The following CPA5 variants were observed in gnomAD, a reference collection of about 807,000 sequenced individuals.
CPA5 encodes testicular tissue protein Li 32.
CPA5 carries 38 observed loss-of-function variants against 52.2 expected under a neutral mutation model. The observed-to-expected ratio is 0.73, with a 90% confidence interval of 0.56 to 0.95. CPA5 has a LOEUF of 0.95. CPA5 is among the 40% of genes least tolerant of loss of function. The pLI is 0.00. For synonymous variants in CPA5, 198 were observed against 213.7 expected, an observed-to-expected ratio of 0.93 and a Z score of 0.64; for missense variants, 519 against 566.7, an observed-to-expected ratio of 0.92 and a Z score of 0.86.
intron 6 of CPA5, among the ~76,000 whole-genome samples, chr7:130,360,940 CA>C (rs1554406413): frequency 1.3e-5 from 2 of 152,200 alleles, no homozygotes; most frequent in Admixed American, 6.5e-5. Context: ...GGGAATCCAG[CA>C]AGATCACAAC....
chr7:130,351,465 C>A (rs572800551), intron 5 of CPA5, among the ~76,000 whole-genome samples: 1 of 152,340 alleles, frequency 6.6e-6, no homozygotes, highest in South Asian at 2.1e-4. Flanking sequence ...CCTGTCCTCT[C>A]CCCACATCCG....
chr7:130,351,149 T>A (rs1554403869), intron 5 of CPA5, among the ~76,000 whole-genome samples: 5 of 152,210 alleles, frequency 3.3e-5, no homozygotes, highest in Admixed American at 2.0e-4. Flanking sequence ...TTATCCCTCA[T>A]CAGGCACATC....
intron 9 of CPA5, 91 bp downstream of exon 9, chr7:130,363,085 G>A (rs782559393): frequency 1.0e-5 from 8 of 772,030 alleles, no homozygotes; most frequent in Non-Finnish European, 1.7e-5. Flanking sequence ...CCCCTTCAGA[G>A]CCTCTTTGCA....
chr7:130,362,773 C>T lies in CPA5; in HGVS notation c.637-111C>T, dbSNP rs868971361. The T allele has an allele frequency of 5.7e-6, 4 of 701,704 alleles. No homozygotes were observed. The African/African-American group carries it at 7.0e-5, about 12-fold the overall frequency. The allele number at this position is 701,704 out of a possible 1,614,324, so 43.5% of individuals were successfully genotyped here. On this transcript the variant is annotated intron_variant, in intron 8 of 12. Transcript: ENST00000474905. ...CTTTGGTTCTGCATAAAAGATATAC[C>T]TCAGGGGTTTCATGCCATCCCTTCC...
intron 5 of CPA5, among the ~76,000 whole-genome samples, chr7:130,352,732 A>G (rs1459559735): frequency 2.0e-5 from 3 of 152,196 alleles, no homozygotes; most frequent in African/African-American, 4.8e-5. Flanking sequence ...ACTGACAGGC[A>G]GGAGGGTGGT....
At chr7:130,373,028 G>C (rs1259293227), downstream of CPA5, among the ~76,000 whole-genome samples, 1 of 152,122 alleles carries the variant, frequency 6.6e-6, no homozygotes, top group African/African-American at 2.4e-5. Context: ...AGGCCAGGGG[G>C]GTGCTCTAGT....
At chr7:130,367,800 T>C (rs576714549) in intron 11 of CPA5, 106 bp from the exon 12 acceptor site, 5 of 1,046,586 alleles carry the variant, frequency 4.8e-6, no homozygotes, top group African/African-American at 1.6e-5. Context: ...CACCTTCAAC[T>C]TCCAGGACTG....
chr7:130,366,499 G>A (rs1027934650), intron 10 of CPA5, among the ~76,000 whole-genome samples: 5 of 152,190 alleles, frequency 3.3e-5, no homozygotes, highest in Non-Finnish European at 7.3e-5. Flanking sequence ...GAGTCCAGGG[G>A]GAAATGGAAA....
At chr7:130,350,208 G>A (rs1795045579) in intron 5 of CPA5, 99 bp downstream of exon 5, 8 of 1,302,294 alleles carry the variant, frequency 6.1e-6, no homozygotes, top group Non-Finnish European at 8.4e-6. Flanking sequence ...TGGACATGTG[G>A]TTTCTGGGTC....
In CPA5 at chr7:130,346,395, T is replaced by C. The variant is rs6955995; in HGVS notation, c.-91T>C. ...GACAGCCTAATGCTCTTTCTCAGGC[T>C]GGGCTTTCCAGCCTCTAGGTGCTGT... On this transcript the variant is annotated splice_region_variant and 5_prime_UTR_variant, in exon 3 of 13. Coordinates refer to ENST00000474905, the MANE Select transcript of CPA5 (RefSeq NM_080385.5). 0.57 allele frequency: 508,506 copies of C among 898,578 alleles called. 145,796 individuals carry two copies. Among genetic ancestry groups the C allele is most frequent in the African/African-American group, 0.64 (37,985 of 59,736 alleles). 55.7% of individuals were successfully genotyped at this position (898,578 alleles called of 1,614,324 possible).
At chr7:130,360,494 G>A (rs942895243) in intron 6 of CPA5, among the ~76,000 whole-genome samples, 1 of 152,244 alleles carries the variant, frequency 6.6e-6, no homozygotes, top group Admixed American at 6.5e-5. Flanking sequence ...AGGAACTCAA[G>A]GCACACGTCT....
chr7:130,347,908 C>T (rs1381434746), intron 4 of CPA5, 61 bp downstream of exon 4: 8 of 1,335,696 alleles, frequency 6.0e-6, no homozygotes, highest in African/African-American at 4.4e-5. Context: ...ACACATTTAG[C>T]TCCTTGTCCT....
the CPA5 span, among the ~76,000 whole-genome samples, chr7:130,373,978 C>CCGGA: frequency 6.6e-6 from 1 of 151,974 alleles, no homozygotes; most frequent in South Asian, 2.1e-4. Flanking sequence ...ATTTGTCCTT[C>CCGGA]CGGACGCCGC....
rs1314875198 is a variant in CPA5, at chr7:130,345,000, A to C, written c.-357A>C. On this transcript the variant is annotated 5_prime_UTR_variant, in exon 1 of 13. Transcript: ENST00000474905. The stretch of plus-strand genomic sequence containing the variant: ...ACTATCTCTGTTTTTTTCCTTTTAA[A>C]TTCCTGAGCTATTGTTTAGCAGTAC... The C allele has an allele frequency of 6.6e-6, 1 of 152,172 alleles. No individual in the cohort carries two copies. The highest frequency in any genetic ancestry group is 6.5e-5 in the Admixed American group (1 of 15,278). 9.4% of individuals were successfully genotyped at this position (152,172 alleles called of 1,614,324 possible). A position where few individuals can be genotyped will look rare whatever the true frequency, so the allele number is the denominator to read the frequency against.
chr7:130,358,267 G>C (rs1356636349), intron 5 of CPA5, among the ~76,000 whole-genome samples: 2 of 152,124 alleles, frequency 1.3e-5, no homozygotes, highest in Non-Finnish European at 2.9e-5. Context: ...CCAAAGTGCT[G>C]CGTTTACAGG....
chr7:130,365,460 C>A (rs1796028415), intron 10 of CPA5, among the ~76,000 whole-genome samples: 1 of 152,212 alleles, frequency 6.6e-6, no homozygotes, highest in Non-Finnish European at 1.5e-5. Flanking sequence ...GCAAAAAGCT[C>A]CCATAATCCC....
chr7:130,357,331 A>G (rs2117379515), intron 5 of CPA5, among the ~76,000 whole-genome samples: 1 of 152,328 alleles, frequency 6.6e-6, no homozygotes, highest in South Asian at 2.1e-4. Context: ...AAGACTCCAC[A>G]GCAGCCATTA....
intron 5 of CPA5, among the ~76,000 whole-genome samples, chr7:130,351,641 T>C (rs1795150539): frequency 6.6e-6 from 1 of 151,378 alleles, no homozygotes; most frequent in South Asian, 2.1e-4. Context: ...GAGCTGGGGG[T>C]GGGGTGGCTG....
chr7:130,346,418 T>C lies in CPA5; in HGVS notation c.-68T>C. The C allele has an allele frequency of 2.6e-6, 3 of 1,161,754 alleles. No homozygotes were observed. The highest frequency in any genetic ancestry group is 3.8e-6 in the Non-Finnish European group (3 of 796,888). The allele number at this position is 1,161,754 out of a possible 1,614,324, so 72.0% of individuals were successfully genotyped here. ...GCTGGGCTTTCCAGCCTCTAGGTGC[T>C]GTGCTGTCCTGAGGCCTGGGCCATG... On this transcript the variant is annotated 5_prime_UTR_variant, in exon 3 of 13. Transcript: ENST00000474905.
Sources: gnomAD v4.1 joint callset for allele counts (sites outside exome capture counted in the v4.1 genomes callset) on GRCh38, gnomAD v4.1.1 for gene constraint, MANE v1.5 for transcripts, NCBI Gene and HGNC (gene_info 2026-07-23, HGNC 2026-07-21) for gene names.